Variants in CA9 observed in about 807,000 individuals in gnomAD.
CA9 encodes carbonic anhydrase 9, also known as CA-IX.
In CA9, 43 loss-of-function variants were observed where a neutral mutation model predicts 51.8. The observed-to-expected ratio is 0.83, with a 90% CI of 0.65 to 1.07. CA9 has a LOEUF of 1.07. Among genes scored for constraint, CA9 ranks in the 50% least tolerant of loss-of-function variants. The pLI is 0.00. For missense variants in CA9, 574 were observed against 581.4 expected, an observed-to-expected ratio of 0.99 and a Z score of 0.13; for synonymous variants, 253 against 244.2, an observed-to-expected ratio of 1.04 and a Z score of -0.34.
At chr9:35,676,246 G>A (rs756355298) in intron 4 of CA9, 40 bp downstream of exon 4, 21 of 1,613,284 alleles carry the variant, frequency 1.3e-5, no homozygotes, top group African/African-American at 1.2e-4. Context: ...AAGGAGCGGG[G>A]CGGAGCGGGG....
At position 35,675,876 on chromosome 9, in the gene CA9, G is replaced by C; in HGVS notation, c.549G>C (p.Leu183=). The C allele has an allele frequency of 2.5e-6, 4 of 1,606,808 alleles. No individual in the cohort carries two copies. Among genetic ancestry groups the C allele is most frequent in the Non-Finnish European group, 2.5e-6 (3 of 1,179,258 alleles). The change falls in exon 3 of 11, where the codon CTG becomes CTC. Residue 183 remains leucine, a synonymous_variant. Coordinates refer to ENST00000378357, the MANE Select transcript of CA9 (RefSeq NM_001216.3). ...CGGCCCTGCGCCCCCTGGAACTCCT[G>C]GGCTTCCAGCTCCCGCCGCTCCCAG... ...FCPALRPLEL[L]GFQLPPLPEL...
chr9:35,676,329 C>T lies in CA9; in HGVS notation c.780C>T (p.Ala260=). The change falls in exon 5 of 11, where the codon GCC becomes GCT. Residue 260 remains alanine, a synonymous_variant. Transcript: ENST00000378357. ...IHVVHLSTAF[A]RVDEALGRPG... is the part of the protein sequence containing the mutation. ...TGGTTCACCTCAGCACCGCCTTTGC[C>T]AGAGTTGACGAGGCCTTGGGGCGCC... 1 of 1,614,104 alleles carries T rather than the reference C, an allele frequency of 6.2e-7. No homozygotes were observed. The highest frequency in any genetic ancestry group is 8.5e-7 in the Non-Finnish European group (1 of 1,180,022).
At position 35,680,799 on chromosome 9, in the gene CA9, C is replaced by T. The variant is rs759524164; in HGVS notation, c.1284C>T (p.Ser428=). The change falls in exon 10 of 11, where the codon AGC becomes AGT. Residue 428 remains serine (S), a synonymous_variant. Coordinates refer to ENST00000378357, the MANE Select transcript of CA9 (RefSeq NM_001216.3). ...TTGGCCTCCTTTTTGCTGTCACCAG[C>T]GTCGCGTTCCTTGTGCAGATGAGAA... ...LVFGLLFAVT[S]VAFLVQMRRQ... is the part of the protein sequence containing the mutation. 1.1e-5 allele frequency: 18 copies of T among 1,614,088 alleles called. No homozygotes were observed. The highest frequency in any genetic ancestry group is 1.4e-5 in the Non-Finnish European group (17 of 1,180,036).
At chr9:35,675,260 C>T (rs1037386924) in intron 1 of CA9, 87 of 507,496 alleles carry the variant, frequency 1.7e-4, no homozygotes, top group African/African-American at 1.5e-3. Context: ...TCCCAAAGTG[C>T]TGGGATTATA....
chr9:35,678,531 CTTCTT>C (rs774754026), intron 6 of CA9, among the ~76,000 whole-genome samples: 1 of 151,966 alleles, frequency 6.6e-6, no homozygotes, highest in African/African-American at 2.4e-5. Flanking sequence ...AAATCGTTCT[CTTCTT>C]AGTCACTCTT....
At chr9:35,676,466 A>T in intron 5 of CA9, 77 bp downstream of exon 5, 3 of 1,207,344 alleles carry the variant, frequency 2.5e-6, no homozygotes, top group Non-Finnish European at 3.6e-6. Flanking sequence ...GGAGCCAGAG[A>T]CCCCATCCCA....
At chr9:35,674,549 G>GA in intron 1 of CA9, 187 bp downstream of exon 1, 1 of 567,770 alleles carries the variant, frequency 1.8e-6, no homozygotes, top group Admixed American at 3.3e-5. Context: ...GATGTGGAGA[G>GA]AAAATAAAAA....
rs3829078 is a variant in CA9 at position 35,679,254 on chromosome 9, A to G, written c.977A>G (p.Gln326Arg). ...CCCTCTGACTTCAGCCGCTACTTCC[A>G]ATATGAGGGGTCTCTGACTACACCG... The part of the protein sequence containing the change: ...LLPSDFSRYF[Q>R]YEGSLTTPPC... Residue 326 changes from glutamine (Q) to arginine (R), a missense_variant, in exon 7 of 11, where the codon CAA (glutamine) becomes CGA (arginine). Gln to Arg is a conservative substitution (Grantham distance 43). Transcript: ENST00000378357. 161,253 of 1,614,030 alleles carry G rather than the reference A, an allele frequency of 0.1. 9,096 individuals are homozygous for G. The highest frequency in any genetic ancestry group is 0.12 in the Non-Finnish European group (136,767 of 1,179,940).
Position 35,679,969 on chromosome 9 carries a change from T to G in CA9, c.1181T>G (p.Val394Gly), listed in dbSNP as rs748506137. 2.4e-5 allele frequency: 39 copies of G among 1,614,022 alleles called. No homozygotes were observed. Among genetic ancestry groups the G allele is most frequent in the Middle Eastern group, 1.6e-4 (1 of 6,084 alleles). The change falls in exon 8 of 11, where the codon GTG becomes GGG. Residue 394 changes from valine to glycine, a missense_variant. Coordinates refer to ENST00000378357, the MANE Select transcript of CA9 (RefSeq NM_001216.3). ...ATTGAGGCCTCCTTCCCTGCTGGAGTGGACAGCAGTCCTCGGGCTGCTGAG... is the reference window on the plus strand; with the variant it reads ...ATTGAGGCCTCCTTCCCTGCTGGAGGGGACAGCAGTCCTCGGGCTGCTGAG... ...RVIEASFPAGVDSSPRAAEPV... is the reference protein window; with the variant it reads ...RVIEASFPAGGDSSPRAAEPV...
rs777516956 is a variant in CA9 at position 35,680,767 on chromosome 9, C to T, written c.1252C>T (p.Leu418=). ...CTCCATCGCAGGTGACATCCTAGCC[C>T]TGGTTTTTGGCCTCCTTTTTGCTGT... is the stretch of plus-strand genomic sequence containing the variant. ...SCLAAGDILA[L]VFGLLFAVTS... Residue 418 remains leucine, a synonymous_variant, in exon 10 of 11, where the codon CTG becomes TTG. Coordinates refer to ENST00000378357, the MANE Select transcript of CA9 (RefSeq NM_001216.3). 4 of 1,614,086 alleles carry T rather than the reference C, an allele frequency of 2.5e-6. No homozygotes were observed. The African/African-American group carries it at 4.0e-5, about 16-fold the overall frequency.
intron 6 of CA9, among the ~76,000 whole-genome samples, chr9:35,678,436 C>T (rs1372041696): frequency 6.6e-6 from 1 of 151,302 alleles, no homozygotes; most frequent in Non-Finnish European, 1.5e-5. Context: ...TTGTCAAGGT[C>T]AAGTCTGGAG....
chr9:35,680,928 A>T, intron 10 of CA9, 37 bp from the exon 11 acceptor site: 1 of 1,613,080 alleles, frequency 6.2e-7, no homozygotes, highest in Non-Finnish European at 8.5e-7. Flanking sequence ...CTCCTGGGCC[A>T]GTTTTCTGAT....
At chr9:35,677,230 T>C (rs1824441678) in intron 5 of CA9, among the ~76,000 whole-genome samples, 1 of 152,172 alleles carries the variant, frequency 6.6e-6, no homozygotes, top group Non-Finnish European at 1.5e-5. Flanking sequence ...GTCAATATGT[T>C]CATACTCTTA....
At position 35,674,196 on chromosome 9, in the gene CA9, AGAGGAGGATCTACCTG is replaced by A; in HGVS notation, c.241_256del (p.Glu81ArgfsTer23). 2 of 1,513,432 alleles carry A rather than the reference AGAGGAGGATCTACCTG, an allele frequency of 1.3e-6. No homozygotes were observed. The highest frequency in any genetic ancestry group is 5.8e-5 in the East Asian group (2 of 34,484). The allele number at this position is 1,513,432 out of a possible 1,614,324, so 93.8% of individuals were successfully genotyped here. On this transcript the variant is annotated frameshift_variant, in exon 1 of 11. Coordinates refer to ENST00000378357, the MANE Select transcript of CA9 (RefSeq NM_001216.3). LOFTEE classifies it high-confidence loss of function. The stretch of plus-strand genomic sequence containing the variant: ...CACCCAGAGAGGAGGATCCACCCGG[AGAGGAGGATCTACCTG>A]GAGAGGAGGATCTACCTGGAGAGGA...
In CA9 at chr9:35,674,280, C is replaced by T; in HGVS notation, c.321C>T (p.Ser107=). 1 of 1,614,058 alleles carries T rather than the reference C, an allele frequency of 6.2e-7. No individual in the cohort carries two copies. Among genetic ancestry groups the T allele is most frequent in the Non-Finnish European group, 8.5e-7 (1 of 1,179,978 alleles). ...AGCCTAAATCAGAAGAAGAGGGCTC[C>T]CTGAAGTTAGAGGATCTACCTACTG... ...EVKPKSEEEG[S]LKLEDLPTVE... is the part of the protein sequence containing the mutation. Residue 107 remains serine, a synonymous_variant, in exon 1 of 11, where the codon TCC becomes TCT. Coordinates refer to ENST00000378357, the MANE Select transcript of CA9 (RefSeq NM_001216.3).
chr9:35,675,239 C>T (rs937822159), intron 1 of CA9: 13 of 440,138 alleles, frequency 3.0e-5, no homozygotes, highest in African/African-American at 2.6e-4. Context: ...GGTGATCCAA[C>T]CACCCTGGCC....
rs1310875075 is a variant in CA9 at position 35,681,081 on chromosome 9, G to T, written c.*56G>T. The T allele has an allele frequency of 6.7e-7, 1 of 1,485,186 alleles. No individual in the cohort carries two copies. The highest frequency in any genetic ancestry group is 9.3e-7 in the Non-Finnish European group (1 of 1,070,192). The allele number at this position is 1,485,186 out of a possible 1,614,324, so 92.0% of individuals were successfully genotyped here. On this transcript the variant is annotated 3_prime_UTR_variant, in exon 11 of 11. Transcript: ENST00000378357. ...GCCAGAGGCATCTGAGGGGGAGCCG[G>T]TAACTGTCCTGTCCTGCTCATTATG...
chr9:35,679,439 T>G, intron 7 of CA9, 97 bp downstream of exon 7: 11 of 1,454,094 alleles, frequency 7.6e-6, no homozygotes, highest in Non-Finnish European at 9.3e-6. Flanking sequence ...GGCTGGGCTC[T>G]GTGGCTTACG....
rs113042654 is a variant in CA9 at position 35,674,194 on chromosome 9, G to A, written c.235G>A (p.Gly79Arg). 8.8e-4 allele frequency: 1,326 copies of A among 1,513,302 alleles called. 1 individual carries two copies. The highest frequency in any genetic ancestry group is 6.7e-4 in the Non-Finnish European group (755 of 1,124,362). 93.7% of individuals were successfully genotyped at this position (1,513,302 alleles called of 1,614,324 possible). A position where few individuals can be genotyped will look rare whatever the true frequency, so the allele number is the denominator to read the frequency against. ...TTCACCCAGAGAGGAGGATCCACCC[G>A]GAGAGGAGGATCTACCTGGAGAGGA... ...EDSPREEDPP[G>R]EEDLPGEEDL... The change falls in exon 1 of 11, where the codon GGA becomes AGA. Residue 79 changes from glycine (G) to arginine (R), a missense_variant. Gly to Arg is a moderately radical substitution (Grantham distance 125). Transcript: ENST00000378357.
Sources: allele counts gnomAD v4.1 joint callset (sites outside exome capture counted in the v4.1 genomes callset), GRCh38; gene constraint gnomAD v4.1.1; transcripts MANE v1.5; gene names NCBI Gene and HGNC (gene_info 2026-07-23, HGNC 2026-07-21).